The following ARL8B variants were observed in gnomAD, a reference collection of about 807,000 sequenced individuals.
ARL8B encodes the protein ADP-ribosylation factor-like protein 8B.
ARL8B carries 9 observed loss-of-function variants against 30.6 expected under a neutral mutation model. That is an observed-to-expected ratio of 0.29 (90% confidence interval 0.18 to 0.51). The LOEUF (loss-of-function observed/expected upper bound fraction) is 0.51, where lower values mean the gene tolerates loss of function less well. Among genes scored for constraint, ARL8B ranks in the 20% least tolerant of loss-of-function variants. ARL8B has a pLI of 0.97. For synonymous variants in ARL8B, 74 were observed against 76.0 expected (o/e 0.97, Z 0.14); for missense variants, 130 against 227.2 (o/e 0.57, Z 2.75).
At chr3:5,161,656 G>T (rs1258525939) in intron 1 of ARL8B, among the ~76,000 whole-genome samples, 1 of 152,170 alleles carries the variant, frequency 6.6e-6, no homozygotes, top group African/African-American at 2.4e-5. Context: ...AGAGGGTTTA[G>T]AGTTCTCTGT....
chr3:5,171,481 A>G (rs1167562794), intron 2 of ARL8B, among the ~76,000 whole-genome samples: 3 of 151,930 alleles, frequency 2.0e-5, no homozygotes, highest in East Asian at 1.9e-4. Context: ...CCTCCCGAGT[A>G]TATTACAGGC....
intron 1 of ARL8B, among the ~76,000 whole-genome samples, chr3:5,133,443 T>C (rs1233794069): frequency 6.6e-6 from 1 of 152,172 alleles, no homozygotes; most frequent in Non-Finnish European, 1.5e-5. Flanking sequence ...AAGGTACGCA[T>C]TATTATGGAA....
chr3:5,170,724 G>T (rs1575574539), intron 2 of ARL8B, 141 bp downstream of exon 2: 9 of 589,674 alleles, frequency 1.5e-5, no homozygotes, highest in South Asian at 4.9e-5. Flanking sequence ...AGGTTTTTTT[G>T]TTGTTGTTTT....
At chr3:5,166,042 CTT>C (rs760445533) in intron 1 of ARL8B, among the ~76,000 whole-genome samples, 23 of 140,544 alleles carry the variant, frequency 1.6e-4, no homozygotes, top group Admixed American at 2.2e-4. Flanking sequence ...CTTAAGATAT[CTT>C]TTTTTTTTTT....
At chr3:5,165,320 C>G (rs2054614822) in intron 1 of ARL8B, among the ~76,000 whole-genome samples, 1 of 151,978 alleles carries the variant, frequency 6.6e-6, no homozygotes, top group Non-Finnish European at 1.5e-5. Context: ...CTACTTACTA[C>G]AGAAATACAG....
At chr3:5,147,215 T>A (rs939868756) in intron 1 of ARL8B, among the ~76,000 whole-genome samples, 3 of 152,176 alleles carry the variant, frequency 2.0e-5, no homozygotes, top group Admixed American at 2.0e-4. Context: ...TTCCCCACCC[T>A]GTGTCCAGGT....
At chr3:5,145,154 C>T (rs1422366395) in intron 1 of ARL8B, among the ~76,000 whole-genome samples, 2 of 152,106 alleles carry the variant, frequency 1.3e-5, no homozygotes, top group Non-Finnish European at 2.9e-5. Context: ...TGTGGAGCTT[C>T]CCTAAGGTCA....
chr3:5,148,993 C>T lies in ARL8B; in HGVS notation c.124-21510C>T, dbSNP rs563741075. ...CTTTCTTCCCTGTGTACTCGACCCG[C>T]GCTACTAGAGGTTTCTTGCACACCC... On this transcript the variant is annotated intron_variant, in intron 1 of 6. Transcript: ENST00000256496. Among the ~76,000 whole-genome samples, 24 of 152,284 alleles carry T rather than the reference C, an allele frequency of 1.6e-4. 2 individuals carry two copies. The highest frequency in any genetic ancestry group is 7.2e-4 in the Admixed American group (11 of 15,292).
At chr3:5,128,513 A>T (rs767403044) in intron 1 of ARL8B, 2 of 445,304 alleles carry the variant, frequency 4.5e-6, no homozygotes, top group Non-Finnish European at 9.0e-6. Context: ...AGAGTGCAAT[A>T]ATGCATTCTA....
At chr3:5,173,906 A>G (rs1197518461) in intron 4 of ARL8B, 111 bp from the exon 5 acceptor site, 2 of 834,028 alleles carry the variant, frequency 2.4e-6, no homozygotes, top group South Asian at 1.4e-5. Context: ...AGGCCTTAAC[A>G]TTGTGGAATG....
chr3:5,161,009 T>C (rs1282011729), intron 1 of ARL8B, among the ~76,000 whole-genome samples: 1 of 152,152 alleles, frequency 6.6e-6, no homozygotes, highest in Non-Finnish European at 1.5e-5. Flanking sequence ...ACCTCTGCCT[T>C]CCAGGCTCAA....
intron 1 of ARL8B, among the ~76,000 whole-genome samples, chr3:5,144,235 C>T (rs576493271): frequency 3.3e-5 from 5 of 152,186 alleles, no homozygotes; most frequent in Non-Finnish European, 5.9e-5. Flanking sequence ...AGTGGAAAGA[C>T]TTCCACCTAG....
chr3:5,178,952 A>G lies in ARL8B; in HGVS notation c.*239A>G, dbSNP rs758594013. 23 of 529,336 alleles carry G rather than the reference A, an allele frequency of 4.3e-5. No individual in the cohort carries two copies. Among genetic ancestry groups the G allele is most frequent in the Non-Finnish European group, 6.5e-5 (22 of 336,898 alleles). 32.8% of individuals were successfully genotyped at this position (529,336 alleles called of 1,614,324 possible). On this transcript the variant is annotated 3_prime_UTR_variant, in exon 7 of 7. Coordinates refer to ENST00000256496, the MANE Select transcript of ARL8B (RefSeq NM_018184.3). Reference sequence around the variant, plus strand: ...GGCTTCTTACACATACCTGTCTTAAACCATGTGTAGAGCTTTAAAAACAGA... The same window carrying G: ...GGCTTCTTACACATACCTGTCTTAAGCCATGTGTAGAGCTTTAAAAACAGA...
chr3:5,144,219 G>T (rs1281740472), intron 1 of ARL8B, among the ~76,000 whole-genome samples: 2 of 152,176 alleles, frequency 1.3e-5, no homozygotes, highest in Non-Finnish European at 2.9e-5. Flanking sequence ...AGCAGTGGCT[G>T]TTGGGAGTGG....
At chr3:5,131,970 A>G (rs1031643915) in intron 1 of ARL8B, among the ~76,000 whole-genome samples, 27 of 152,042 alleles carry the variant, frequency 1.8e-4, no homozygotes, top group African/African-American at 5.1e-4. Context: ...TGCTGCCTCA[A>G]CCTCTTGGGT....
chr3:5,122,540 C>T lies in ARL8B; in HGVS notation c.75C>T (p.Leu25=), dbSNP rs147122055. The change falls in exon 1 of 7, where the codon CTC becomes CTT. Residue 25 remains leucine (L), a synonymous_variant. Transcript: ENST00000256496. ...LFWKEEMELT[L]VGLQYSGKTT... is the part of the protein sequence containing the mutation. ...GGAAGGAAGAGATGGAGCTGACGCTCGTGGGGCTGCAGTACTCGGGCAAGA... is the reference window on the plus strand; with the variant it reads ...GGAAGGAAGAGATGGAGCTGACGCTTGTGGGGCTGCAGTACTCGGGCAAGA... 76 of 1,612,690 alleles carry T rather than the reference C, an allele frequency of 4.7e-5. No individual in the cohort carries two copies. Among genetic ancestry groups the T allele is most frequent in the Non-Finnish European group, 6.0e-5 (71 of 1,179,470 alleles).
chr3:5,169,753 TCA>T (rs1397572053), intron 1 of ARL8B, among the ~76,000 whole-genome samples: 3 of 152,194 alleles, frequency 2.0e-5, no homozygotes, highest in Non-Finnish European at 4.4e-5. Flanking sequence ...TCACATATAA[TCA>T]CATATGTGAA....
intron 1 of ARL8B, among the ~76,000 whole-genome samples, chr3:5,131,147 T>C (rs1426339885): frequency 6.6e-6 from 1 of 152,104 alleles, no homozygotes; most frequent in Non-Finnish European, 1.5e-5. Flanking sequence ...TCCTGTGATC[T>C]GTCCGCCTTA....
At chr3:5,147,834 CAT>C (rs1221418448) in intron 1 of ARL8B, among the ~76,000 whole-genome samples, 1 of 151,188 alleles carries the variant, frequency 6.6e-6, no homozygotes, top group African/African-American at 2.4e-5. Context: ...CTAATTTTCT[CAT>C]GTGATTTTTG....
Sources: gnomAD v4.1 joint callset for allele counts (sites outside exome capture counted in the v4.1 genomes callset) on GRCh38, gnomAD v4.1.1 for gene constraint, MANE v1.5 for transcripts, NCBI Gene and HGNC (gene_info 2026-07-23, HGNC 2026-07-21) for gene names.